MYO5B: variants seen among roughly 807,000 people sequenced by gnomAD.
The protein encoded by MYO5B is unconventional myosin-Vb.
Under a neutral mutation model 229.3 loss-of-function variants are expected in MYO5B, and 143 were observed. The observed-to-expected ratio is 0.62, with a 90% CI of 0.54 to 0.72. The LOEUF is 0.72. MYO5B is among the 30% of genes least tolerant of loss of function. The pLI, the probability that MYO5B is intolerant of heterozygous loss-of-function variation, is 0.00. For synonymous variants in MYO5B, 918 were observed against 885.2 expected, an observed-to-expected ratio of 1.04 and a Z score of -0.66; for missense variants, 2,321 against 2,331.0, an observed-to-expected ratio of 1.00 and a Z score of 0.09.
chr18:49,944,055 G>A (rs1041028770), intron 14 of MYO5B, among the ~76,000 whole-genome samples: 1 of 152,196 alleles, frequency 6.6e-6, no homozygotes, highest in African/African-American at 2.4e-5. Context: ...ACTAGCTCAT[G>A]TAGGCCTCAG....
At chr18:50,096,609 C>T (rs748870319) in intron 1 of MYO5B, among the ~76,000 whole-genome samples, 2 of 152,206 alleles carry the variant, frequency 1.3e-5, no homozygotes, top group Non-Finnish European at 2.9e-5. Context: ...CCACTGGTCA[C>T]CATTTCCATC....
chr18:49,880,502 G>T, intron 22 of MYO5B, 47 bp from the exon 23 acceptor site: 1 of 1,445,626 alleles, frequency 6.9e-7, no homozygotes, highest in Non-Finnish European at 9.7e-7. Context: ...GCTGGGAAGA[G>T]GAGAGGCTCC....
chr18:50,181,688 C>T (rs1047495261), intron 1 of MYO5B, among the ~76,000 whole-genome samples: 3 of 152,138 alleles, frequency 2.0e-5, no homozygotes, highest in African/African-American at 7.2e-5. Flanking sequence ...TCAGACGGTG[C>T]AGGATGTAGC....
At chr18:50,043,239 T>C (rs578178073) in intron 2 of MYO5B, among the ~76,000 whole-genome samples, 9 of 135,592 alleles carry the variant, frequency 6.6e-5, no homozygotes, top group South Asian at 2.2e-4. Context: ...TATACACAAA[T>C]ATATATATAC....
rs1424349321 is a variant in MYO5B, at chr18:49,826,486, G to C, written c.5532C>G (p.Phe1844Leu). ...IHIPACLNLE[F>L]LNEV ...ACATGCATCTTCAGACTTCATTGAG[G>C]AATTCCAGATTGAGACACGCTGGGA... is the stretch of plus-strand genomic sequence containing the variant. The change falls in exon 40 of 40, where the codon TTC becomes TTG. Residue 1844 changes from phenylalanine (F) to leucine (L), a missense_variant. By Grantham distance (22) the Phe-to-Leu change is conservative. This residue lies in a region of MYO5B where 208 missense variants were observed against 286.3 expected (regional missense o/e 0.73). Coordinates refer to ENST00000285039, the MANE Select transcript of MYO5B (RefSeq NM_001080467.3). 6.2e-7 allele frequency: 1 copy of C among 1,613,850 alleles called. No homozygotes were observed. Among genetic ancestry groups the C allele is most frequent in the Non-Finnish European group, 8.5e-7 (1 of 1,179,902 alleles).
intron 18 of MYO5B, among the ~76,000 whole-genome samples, chr18:49,908,101 G>A (rs2024919667): frequency 6.6e-6 from 1 of 152,222 alleles, no homozygotes; most frequent in Non-Finnish European, 1.5e-5. Context: ...GCTGGGGGCT[G>A]TCTACCGCAT....
At chr18:49,941,565 G>C (rs1264427642) in intron 14 of MYO5B, among the ~76,000 whole-genome samples, 6 of 152,262 alleles carry the variant, frequency 3.9e-5, no homozygotes, top group Admixed American at 3.9e-4. Context: ...GTACCCTGGA[G>C]GGTACCCCAG....
chr18:49,834,678 G>A (rs562829019), intron 39 of MYO5B, among the ~76,000 whole-genome samples: 5 of 151,400 alleles, frequency 3.3e-5, no homozygotes, highest in Non-Finnish European at 5.9e-5. Flanking sequence ...TCACTCTGTC[G>A]CCCAGGCTGG....
chr18:49,953,894 ATGTGTGTGTGTGTGTG>A (rs71169463), intron 13 of MYO5B, among the ~76,000 whole-genome samples: 6 of 108,472 alleles, frequency 5.5e-5, no homozygotes, highest in Non-Finnish European at 1.1e-4. Context: ...ATATACATAT[ATGTGTGTGTGTGTGTG>A]TGTGTGTGTG....
intron 39 of MYO5B, among the ~76,000 whole-genome samples, chr18:49,826,923 C>T (rs987062316): frequency 3.3e-5 from 5 of 151,210 alleles, no homozygotes; most frequent in Non-Finnish European, 7.4e-5. Flanking sequence ...TATGGAGAGG[C>T]ACTATAGTGA....
intron 1 of MYO5B, among the ~76,000 whole-genome samples, chr18:50,090,603 G>A (rs1283589264): frequency 2.0e-5 from 3 of 152,138 alleles, no homozygotes; most frequent in African/African-American, 7.2e-5. Flanking sequence ...TATTTCTACT[G>A]TGGCTGTCTC....
intron 1 of MYO5B, among the ~76,000 whole-genome samples, chr18:50,095,611 A>T (rs867812222): frequency 6.6e-6 from 1 of 152,356 alleles, no homozygotes. Context: ...CATTGTGAAT[A>T]AGGATGAGCA....
At chr18:50,000,442 C>A (rs1205831719) in intron 5 of MYO5B, among the ~76,000 whole-genome samples, 1 of 152,178 alleles carries the variant, frequency 6.6e-6, no homozygotes, top group African/African-American at 2.4e-5. Flanking sequence ...GTAACCAAGA[C>A]AACAACAAAG....
At chr18:49,984,670 G>C (rs773101954) in intron 8 of MYO5B, 48 bp downstream of exon 8, 2 of 1,415,332 alleles carry the variant, frequency 1.4e-6, no homozygotes, top group African/African-American at 2.8e-5. Context: ...TCTACCCTCC[G>C]TGCCATCAGC....
rs2024082183 is a variant in MYO5B at position 49,843,241 on chromosome 18, T to C, written c.4611A>G (p.Lys1537=). The C allele has an allele frequency of 6.2e-7, 1 of 1,613,964 alleles. No homozygotes were observed. Among genetic ancestry groups the C allele is most frequent in the Non-Finnish European group, 8.5e-7 (1 of 1,180,022 alleles). Residue 1537 remains lysine (K), a splice_region_variant and synonymous_variant, in exon 34 of 40, where the codon AAA becomes AAG. Transcript: ENST00000285039. ...ATGACCTTCTGCAGGGGCTGCTTACTTTCAGGACTTTCTTAATGCCGTTGA... is the reference window on the plus strand; with the variant it reads ...ATGACCTTCTGCAGGGGCTGCTTACCTTCAGGACTTTCTTAATGCCGTTGA... ...STINGIKKVL[K]KHNDDFEMTS...
chr18:49,952,501 T>C lies in MYO5B; in HGVS notation c.1752+759A>G, dbSNP rs551634568. On this transcript the variant is annotated intron_variant, in intron 14 of 39. Transcript: ENST00000285039. ...TCACAGTTACCTGTGGGTGTCTTCA[T>C]CTGCCCACTCACAGCCCATTAGAAG... is the stretch of plus-strand genomic sequence containing the variant. Among the ~76,000 whole-genome samples the C allele has an allele frequency of 5.4e-4, 83 of 152,336 alleles. 1 individual carries two copies. Among genetic ancestry groups the C allele is most frequent in the African/African-American group, 1.9e-3 (81 of 41,556 alleles).
chr18:49,986,926 T>A (rs1209043893), intron 7 of MYO5B, among the ~76,000 whole-genome samples: 1 of 152,230 alleles, frequency 6.6e-6, no homozygotes, highest in Admixed American at 6.5e-5. Context: ...CGACAATTTA[T>A]CTATGGCATC....
intron 1 of MYO5B, among the ~76,000 whole-genome samples, chr18:50,191,470 T>G (rs377155927): frequency 6.6e-6 from 1 of 152,192 alleles, no homozygotes; most frequent in East Asian, 1.9e-4. Context: ...CTCCATAACC[T>G]GAGAAAAAGT....
intron 3 of MYO5B, among the ~76,000 whole-genome samples, chr18:50,039,457 G>A (rs1029926617): frequency 6.6e-6 from 1 of 151,840 alleles, no homozygotes; most frequent in Non-Finnish European, 1.5e-5. Flanking sequence ...TCAGCCTCCC[G>A]AGTAGCTGGG....
Sources: gnomAD v4.1 joint callset for allele counts (sites outside exome capture counted in the v4.1 genomes callset) on GRCh38, gnomAD v4.1.1 for gene constraint, gnomAD v4.1.1 regional missense constraint, MANE v1.5 for transcripts, NCBI Gene and HGNC (gene_info 2026-07-23, HGNC 2026-07-21) for gene names.